Variants in GET3 observed in about 807,000 individuals in gnomAD.
The protein encoded by GET3 is ATPase GET3.
A neutral mutation model predicts 32.4 loss-of-function variants in GET3; 15 were observed. The observed-to-expected ratio is 0.46, with a 90% CI of 0.31 to 0.71. GET3 has a LOEUF of 0.71. Ranked by LOEUF, GET3 falls within the 30% of genes least tolerant of loss-of-function variation. The probability of loss-of-function intolerance (pLI) is 0.05; values close to 1 mark genes in which losing one functional copy is unlikely to be tolerated. For synonymous variants in GET3, 198 were observed against 185.6 expected, an observed-to-expected ratio of 1.07 and a Z score of -0.54; for missense variants, 333 against 459.0, an observed-to-expected ratio of 0.73 and a Z score of 2.51.
chr19:12,742,869 G>GA (rs779850083), intron 2 of GET3, among the ~76,000 whole-genome samples: 9 of 150,856 alleles, frequency 6.0e-5, no homozygotes, highest in African/African-American at 4.9e-5. Flanking sequence ...CTAAAAGAAA[G>GA]AAAAAAAAAG....
In GET3 at chr19:12,747,489, A is replaced by G; in HGVS notation, c.812A>G (p.Asp271Gly). 6.2e-7 allele frequency: 1 copy of G among 1,613,938 alleles called. No homozygotes were observed. Among genetic ancestry groups the G allele is most frequent in the Non-Finnish European group, 8.5e-7 (1 of 1,179,962 alleles). Residue 271 changes from aspartate to glycine, a missense_variant, in exon 6 of 7, where the codon GAC becomes GGC. By Grantham distance (94) the Asp-to-Gly change is moderately conservative. Transcript: ENST00000357332. The surrounding 1 kb of genome is among the most constrained non-coding windows in gnomAD (Gnocchi z 4.0). The part of the protein sequence containing the change: ...LIQELAKCKI[D>G]THNIIVNQLV... Reference sequence around the variant, plus strand: ...CAGGAGCTGGCCAAGTGCAAGATTGACACACACAATATAATTGTCAACCAG... The same window carrying G: ...CAGGAGCTGGCCAAGTGCAAGATTGGCACACACAATATAATTGTCAACCAG...
chr19:12,743,802 CA>C (rs1967717864), intron 2 of GET3, among the ~76,000 whole-genome samples: 1 of 124,474 alleles, frequency 8.0e-6, no homozygotes, highest in Admixed American at 8.1e-5. Flanking sequence ...GATCTCAGCT[CA>C]CTGCAGGCTC....
Position 12,745,867 on chromosome 19 carries a change from C to G in GET3, c.609+108C>G. On this transcript the variant is annotated intron_variant, in intron 4 of 6. Transcript: ENST00000357332. The surrounding 1 kb of genome is among the most constrained non-coding windows in gnomAD (Gnocchi z 5.0). ...ACTAACAATTCCCTTTCCTTCCCAC[C>G]CCTTCTCACTCTGGACTTCTCCCTG... is the stretch of plus-strand genomic sequence containing the variant. 1 of 1,393,022 alleles carries G rather than the reference C, an allele frequency of 7.2e-7. No individual in the cohort carries two copies. Among genetic ancestry groups the G allele is most frequent in the Non-Finnish European group, 9.6e-7 (1 of 1,045,270 alleles). 86.3% of individuals were successfully genotyped at this position (1,393,022 alleles called of 1,614,324 possible).
At chr19:12,741,746 G>A (rs1449782134) in intron 2 of GET3, among the ~76,000 whole-genome samples, 5 of 148,812 alleles carry the variant, frequency 3.4e-5, no homozygotes, top group Non-Finnish European at 5.9e-5. Context: ...GATACAGAGC[G>A]ACACTCCATC....
intron 2 of GET3, among the ~76,000 whole-genome samples, chr19:12,741,274 G>A (rs987703764): frequency 6.6e-6 from 1 of 151,338 alleles, no homozygotes; most frequent in African/African-American, 2.4e-5. Context: ...GGCTAACAGG[G>A]TGAAACCCCA....
rs546729954 is a variant in GET3, at chr19:12,747,843, T to TTAA, written c.916-129_916-127dup. The TTAA allele has an allele frequency of 3.8e-5, 41 of 1,092,186 alleles. No homozygotes were observed. The East Asian group carries it at 9.7e-4, about 26-fold the overall frequency. 67.7% of individuals were successfully genotyped at this position (1,092,186 alleles called of 1,614,324 possible). A position where few individuals can be genotyped will look rare whatever the true frequency, so the allele number is the denominator to read the frequency against. On this transcript the variant is annotated intron_variant, in intron 6 of 6. Coordinates refer to ENST00000357332, the MANE Select transcript of GET3 (RefSeq NM_004317.4). The surrounding 1 kb of genome is among the most constrained non-coding windows in gnomAD (Gnocchi z 4.0). ...TGATGCAGCTCCCACTTATGACACC[T>TTAA]TAAGCTCCTGCCCTATATTCTCTCC...
Position 12,748,034 on chromosome 19 carries a change from G to A in GET3, c.977G>A (p.Arg326Gln), listed in dbSNP as rs760857484. 4.3e-6 allele frequency: 7 copies of A among 1,611,328 alleles called. No homozygotes were observed. The highest frequency in any genetic ancestry group is 2.2e-5 in the East Asian group (1 of 44,786). Residue 326 changes from arginine (R) to glutamine (Q), a missense_variant, in exon 7 of 7, where the codon CGG becomes CAG. Arg to Gln is a conservative substitution (Grantham distance 43). Coordinates refer to ENST00000357332, the MANE Select transcript of GET3 (RefSeq NM_004317.4). ...CTGCCGCTGTTACCCCATGAGGTGC[G>A]GGGGGCAGACAAGGTCAACACCTTC... ...VKLPLLPHEVRGADKVNTFSA... is the reference protein window; with the variant it reads ...VKLPLLPHEVQGADKVNTFSA...
Position 12,747,532 on chromosome 19 carries a change from C to G in GET3, c.855C>G (p.Pro285=), listed in dbSNP as rs148293848. The change falls in exon 6 of 7, where the codon CCC becomes CCG. Residue 285 remains proline (P), a synonymous_variant. Transcript: ENST00000357332. The surrounding 1 kb of genome is among the most constrained non-coding windows in gnomAD (Gnocchi z 4.0). ...TCAACCAGCTCGTCTTCCCCGACCC[C>G]GAGAAGCCCTGCAAGATGTGTGAGG... ...IIVNQLVFPD[P]EKPCKMCEAR... The G allele has an allele frequency of 9.9e-6, 16 of 1,613,890 alleles. No individual in the cohort carries two copies. The Admixed American group carries it at 1.7e-4, about 17-fold the overall frequency.
At position 12,747,602 on chromosome 19, in the gene GET3, C is replaced by T. The variant is rs376648475; in HGVS notation, c.915+10C>T. On this transcript the variant is annotated intron_variant, in intron 6 of 6. Coordinates refer to ENST00000357332, the MANE Select transcript of GET3 (RefSeq NM_004317.4). The surrounding 1 kb of genome is among the most constrained non-coding windows in gnomAD (Gnocchi z 4.0). Reference sequence around the variant, plus strand: ...CAAGTATCTGGACCAGGTGTGCCCACCCACCCAGCACTGGCTCAGCAGAGG... The same window carrying T: ...CAAGTATCTGGACCAGGTGTGCCCATCCACCCAGCACTGGCTCAGCAGAGG... 1.2e-6 allele frequency: 2 copies of T among 1,611,682 alleles called. No homozygotes were observed. The highest frequency in any genetic ancestry group is 1.3e-5 in the African/African-American group (1 of 74,968).
rs1318381544 is a variant in GET3, at chr19:12,747,505, T to C, written c.828T>C (p.Ile276=). ...GCAAGATTGACACACACAATATAAT[T>C]GTCAACCAGCTCGTCTTCCCCGACC... ...AKCKIDTHNI[I]VNQLVFPDPE... The change falls in exon 6 of 7, where the codon ATT becomes ATC. Residue 276 remains isoleucine, a synonymous_variant. Coordinates refer to ENST00000357332, the MANE Select transcript of GET3 (RefSeq NM_004317.4). This position sits in a 1 kb window ranked among gnomAD's most constrained non-coding sequence, Gnocchi z 4.0. 1.2e-6 allele frequency: 2 copies of C among 1,613,820 alleles called. No individual in the cohort carries two copies. The highest frequency in any genetic ancestry group is 1.3e-5 in the African/African-American group (1 of 74,818).
chr19:12,745,818 G>C lies in GET3; in HGVS notation c.609+59G>C. On this transcript the variant is annotated intron_variant, in intron 4 of 6. Coordinates refer to ENST00000357332, the MANE Select transcript of GET3 (RefSeq NM_004317.4). The surrounding 1 kb of genome is among the most constrained non-coding windows in gnomAD (Gnocchi z 5.0). ...GGCAGCCGGGAGTGGGAGTAGGCCC[G>C]GGCCCCCAGACCCTCAAATGCGCAC... 6.5e-7 allele frequency: 1 copy of C among 1,541,188 alleles called. No individual in the cohort carries two copies. Among genetic ancestry groups the C allele is most frequent in the Non-Finnish European group, 8.7e-7 (1 of 1,149,364 alleles).
rs1967761413 is a variant in GET3 at position 12,745,787 on chromosome 19, C to G, written c.609+28C>G. Reference sequence around the variant, plus strand: ...AGGCGGCGGGGGCCCCCACCTGCACCATCCAGGCAGCCGGGAGTGGGAGTA... The same window carrying G: ...AGGCGGCGGGGGCCCCCACCTGCACGATCCAGGCAGCCGGGAGTGGGAGTA... On this transcript the variant is annotated intron_variant, in intron 4 of 6. Coordinates refer to ENST00000357332, the MANE Select transcript of GET3 (RefSeq NM_004317.4). The surrounding 1 kb of genome is among the most constrained non-coding windows in gnomAD (Gnocchi z 5.0). 2 of 1,575,674 alleles carry G rather than the reference C, an allele frequency of 1.3e-6. No individual in the cohort carries two copies. Among genetic ancestry groups the G allele is most frequent in the South Asian group, 2.3e-5 (2 of 87,556 alleles).
At chr19:12,737,456 T>C, upstream of GET3, 1 of 1,429,370 alleles carries the variant, frequency 7.0e-7, no homozygotes, top group Non-Finnish European at 9.2e-7. Flanking sequence ...ATTTCCCCTG[T>C]AGGTTCTTCG....
intron 1 of GET3, 81 bp downstream of exon 1, chr19:12,737,747 C>G (rs866555060): frequency 6.7e-7 from 1 of 1,493,698 alleles, no homozygotes; most frequent in Non-Finnish European, 8.8e-7. Context: ...GGCTTTTCCA[C>G]CACGACCGGG....
chr19:12,740,857 G>A (rs773250623), intron 2 of GET3, among the ~76,000 whole-genome samples: 3 of 152,112 alleles, frequency 2.0e-5, no homozygotes, highest in Non-Finnish European at 4.4e-5. Flanking sequence ...CAGAGATGAG[G>A]GTGTTGGCAG....
chr19:12,739,393 T>A (rs1031389041), intron 2 of GET3, among the ~76,000 whole-genome samples: 5 of 152,132 alleles, frequency 3.3e-5, no homozygotes, highest in Admixed American at 1.3e-4. Context: ...CTCAAACTCC[T>A]GACCTCAAGT....
chr19:12,743,830 T>A (rs1332895806), intron 2 of GET3, among the ~76,000 whole-genome samples: 1 of 131,872 alleles, frequency 7.6e-6, no homozygotes, highest in Non-Finnish European at 1.6e-5. Flanking sequence ...CTGGGGTTCA[T>A]GCCATTCTCC....
chr19:12,747,235 C>G lies in GET3; in HGVS notation c.648C>G (p.Asp216Glu). 5 of 1,611,728 alleles carry G rather than the reference C, an allele frequency of 3.1e-6. No homozygotes were observed. Among genetic ancestry groups the G allele is most frequent in the East Asian group, 2.2e-5 (1 of 44,824 alleles). Reference protein sequence around the residue: ...NMLGLGDMNADQLASKLEETL... With the variant: ...NMLGLGDMNAEQLASKLEETL... Reference sequence around the variant, plus strand: ...TGGGCCTGGGGGACATGAACGCAGACCAGCTGGCCTCCAAGCTGGAGGAGA... The same window carrying G: ...TGGGCCTGGGGGACATGAACGCAGAGCAGCTGGCCTCCAAGCTGGAGGAGA... Residue 216 changes from aspartate to glutamate, a missense_variant, in exon 5 of 7, where the codon GAC (aspartate) becomes GAG (glutamate). Physicochemically the swap from Asp to Glu is conservative, Grantham distance 45. This residue lies in a region of GET3 where 230 missense variants were observed against 389.2 expected (regional missense o/e 0.59). Coordinates refer to ENST00000357332, the MANE Select transcript of GET3 (RefSeq NM_004317.4). This position sits in a 1 kb window ranked among gnomAD's most constrained non-coding sequence, Gnocchi z 4.0.
At chr19:12,743,172 G>A (rs1391090304) in intron 2 of GET3, among the ~76,000 whole-genome samples, 1 of 152,176 alleles carries the variant, frequency 6.6e-6, no homozygotes, top group African/African-American at 2.4e-5. Context: ...GGTGACAGAG[G>A]AGGAAGATAA....
Sources: allele counts gnomAD v4.1 joint callset (sites outside exome capture counted in the v4.1 genomes callset), GRCh38; gene constraint gnomAD v4.1.1; regional missense constraint gnomAD v4.1.1; non-coding constraint Gnocchi (gnomAD v3.1); transcripts MANE v1.5; gene names NCBI Gene and HGNC (gene_info 2026-07-23, HGNC 2026-07-21).